The following KIT variants were observed in gnomAD, a reference collection of about 807,000 sequenced individuals.
KIT encodes mast/stem cell growth factor receptor Kit.
In KIT, 16 loss-of-function variants were observed where a neutral mutation model predicts 105.7. The observed-to-expected ratio is 0.15, with a 90% CI of 0.10 to 0.23. The LOEUF is 0.23. Among genes scored for constraint, KIT ranks in the 10% least tolerant of loss-of-function variants. KIT has a pLI of 1.00. For synonymous variants in KIT, 438 were observed against 441.1 expected (o/e 0.99, Z 0.09); for missense variants, 858 against 1,213.8 (o/e 0.71, Z 4.36).
At chr4:54,692,484 C>T (rs181148432) in intron 1 of KIT, among the ~76,000 whole-genome samples, 113 of 152,216 alleles carry the variant, frequency 7.4e-4, no homozygotes, top group African/African-American at 2.7e-3. Flanking sequence ...GTTTATTTGA[C>T]TGGATTGTAA....
In KIT at chr4:54,698,272, A is replaced by T; in HGVS notation, c.338-12A>T. ...GCCATTCCAACTACTGATTTTGGAT[A>T]TGCTTCTATAGATCCTGCCAAGCTT... is the stretch of plus-strand genomic sequence containing the variant. On this transcript the variant is annotated splice_polypyrimidine_tract_variant and intron_variant, in intron 2 of 20. Transcript: ENST00000288135. The T allele has an allele frequency of 6.2e-7, 1 of 1,612,552 alleles. No individual in the cohort carries two copies. The highest frequency in any genetic ancestry group is 1.6e-4 in the Middle Eastern group (1 of 6,062).
intron 1 of KIT, among the ~76,000 whole-genome samples, chr4:54,674,264 A>G (rs1718314575): frequency 6.6e-6 from 1 of 152,072 alleles, no homozygotes; most frequent in Non-Finnish European, 1.5e-5. Context: ...TTGCTAATTC[A>G]TAGGAGTCAG....
chr4:54,740,221 A>G lies in KIT; in HGVS notation c.*1664A>G, dbSNP rs573152330. 35 of 233,562 alleles carry G rather than the reference A, an allele frequency of 1.5e-4. No individual in the cohort carries two copies. In the South Asian group the frequency reaches 5.1e-3, roughly 34 times the overall value. The allele number at this position is 233,562 out of a possible 1,614,324, so 14.5% of individuals were successfully genotyped here. A position where few individuals can be genotyped will look rare whatever the true frequency, so the allele number is the denominator to read the frequency against. On this transcript the variant is annotated 3_prime_UTR_variant, in exon 21 of 21. Coordinates refer to ENST00000288135, the MANE Select transcript of KIT (RefSeq NM_000222.3). ...AAGTAACCATTTGCACTGGAGTTCT[A>G]TGCTCTCGCACCTTTCCAAAGTTAA...
intron 3 of KIT, among the ~76,000 whole-genome samples, chr4:54,699,224 A>G (rs1720290600): frequency 6.6e-6 from 1 of 152,218 alleles, no homozygotes; most frequent in Non-Finnish European, 1.5e-5. Context: ...TGGGATTTCC[A>G]GAGGTGAGCA....
intron 1 of KIT, among the ~76,000 whole-genome samples, chr4:54,687,999 G>A (rs1719439102): frequency 1.3e-5 from 2 of 152,180 alleles, no homozygotes; most frequent in Non-Finnish European, 2.9e-5. Flanking sequence ...GGTGCATTGA[G>A]CTCCCCATAG....
chr4:54,710,958 T>C (rs1721121419), intron 7 of KIT, among the ~76,000 whole-genome samples: 1 of 152,216 alleles, frequency 6.6e-6, no homozygotes. Flanking sequence ...TAGCTCACTA[T>C]ATCCTTGTAC....
At chr4:54,687,204 G>A (rs114678226) in intron 1 of KIT, among the ~76,000 whole-genome samples, 2,106 of 152,268 alleles carry the variant, frequency 0.014, 58 homozygotes, top group African/African-American at 0.048. Flanking sequence ...TTGGGAGGCC[G>A]AGGCGGGTGG....
intron 1 of KIT, among the ~76,000 whole-genome samples, chr4:54,673,706 G>C (rs1028428834): frequency 5.9e-5 from 9 of 152,174 alleles, no homozygotes; most frequent in Admixed American, 1.3e-4. Flanking sequence ...ATAACTATGT[G>C]GAATTCAACT....
chr4:54,738,757 A>G lies in KIT; in HGVS notation c.*200A>G. ...CCTATTGCAAAGGTTCCAACTGTAT[A>G]TATTCCCAATAGCAACGTAGCTTCT... is the stretch of plus-strand genomic sequence containing the variant. On this transcript the variant is annotated 3_prime_UTR_variant, in exon 21 of 21. Transcript: ENST00000288135. The G allele has an allele frequency of 1.5e-6, 1 of 660,440 alleles. No homozygotes were observed. The highest frequency in any genetic ancestry group is 1.7e-5 in the South Asian group (1 of 57,164). The allele number at this position is 660,440 out of a possible 1,614,324, so 40.9% of individuals were successfully genotyped here. A position where few individuals can be genotyped will look rare whatever the true frequency, so the allele number is the denominator to read the frequency against.
intron 1 of KIT, among the ~76,000 whole-genome samples, chr4:54,660,205 C>T (rs758248051): frequency 1.3e-5 from 2 of 152,150 alleles, no homozygotes; most frequent in Non-Finnish European, 2.9e-5. Flanking sequence ...ACCGGTCTGC[C>T]CCTGACTGAA....
intron 1 of KIT, among the ~76,000 whole-genome samples, chr4:54,679,685 G>A (rs1049968539): frequency 2.6e-5 from 4 of 152,126 alleles, no homozygotes; most frequent in South Asian, 2.1e-4. Context: ...GCATTTTTAA[G>A]AGCTAGAAAA....
At chr4:54,684,157 C>T (rs539116159) in intron 1 of KIT, among the ~76,000 whole-genome samples, 3 of 148,416 alleles carry the variant, frequency 2.0e-5, no homozygotes, top group Non-Finnish European at 2.9e-5. Context: ...GGTTGAACGC[C>T]CACACAGAGG....
rs747170156 is a variant in KIT, at chr4:54,728,165, CA to C, written c.1990+48del. 1.3e-5 allele frequency: 17 copies of C among 1,328,306 alleles called. No individual in the cohort carries two copies. In the South Asian group the frequency reaches 2.0e-4, roughly 16 times the overall value. The allele number at this position is 1,328,306 out of a possible 1,614,324, so 82.3% of individuals were successfully genotyped here. A position where few individuals can be genotyped will look rare whatever the true frequency, so the allele number is the denominator to read the frequency against. ...TGCCTTTTATTGTCTGTCAGGTTAT[CA>C]AAACATGACATTTTAATATGATTTT... On this transcript the variant is annotated intron_variant, in intron 13 of 20. Transcript: ENST00000288135.
At chr4:54,694,136 T>C (rs1029515606) in intron 1 of KIT, among the ~76,000 whole-genome samples, 1 of 152,184 alleles carries the variant, frequency 6.6e-6, no homozygotes, top group Non-Finnish European at 1.5e-5. Flanking sequence ...CCACGTAGTT[T>C]CACCTGTCAT....
intron 1 of KIT, among the ~76,000 whole-genome samples, chr4:54,660,477 G>GT (rs993688579): frequency 6.6e-6 from 1 of 152,046 alleles, no homozygotes; most frequent in Non-Finnish European, 1.5e-5. Flanking sequence ...TCCCTATTCT[G>GT]TTTTTTCCCC....
At chr4:54,694,194 A>T (rs1376443373) in intron 1 of KIT, among the ~76,000 whole-genome samples, 1 of 151,286 alleles carries the variant, frequency 6.6e-6, no homozygotes, top group Non-Finnish European at 1.5e-5. Context: ...TTTCTGAATA[A>T]CTCTAGAGGC....
chr4:54,697,998 A>C (rs1296036387), intron 2 of KIT, among the ~76,000 whole-genome samples: 4 of 152,180 alleles, frequency 2.6e-5, no homozygotes, highest in Non-Finnish European at 2.9e-5. Flanking sequence ...CCGCAGTTTC[A>C]TCTATGAAAT....
intron 8 of KIT, among the ~76,000 whole-genome samples, chr4:54,724,270 G>A (rs1056683868): frequency 2.0e-5 from 3 of 152,138 alleles, no homozygotes; most frequent in Admixed American, 1.3e-4. Flanking sequence ...ACCTGAAGAC[G>A]AAAATGGGGT....
intron 1 of KIT, among the ~76,000 whole-genome samples, chr4:54,676,507 G>A (rs1482173743): frequency 2.0e-5 from 3 of 152,190 alleles, no homozygotes; most frequent in South Asian, 2.1e-4. Flanking sequence ...ATAGATATGA[G>A]TTTCGGTTAG....
Sources: allele counts gnomAD v4.1 joint callset (sites outside exome capture counted in the v4.1 genomes callset), GRCh38; gene constraint gnomAD v4.1.1; transcripts MANE v1.5; gene names NCBI Gene and HGNC (gene_info 2026-07-23, HGNC 2026-07-21).